The following ENOX2 variants were observed in gnomAD, a reference collection of about 807,000 sequenced individuals.
ENOX2 encodes ecto-NOX disulfide-thiol exchanger 2.
Under a neutral mutation model 45.0 loss-of-function variants are expected in ENOX2, and 36 were observed. The observed-to-expected ratio is 0.80, with a 90% CI of 0.61 to 1.06. ENOX2 has a LOEUF of 1.06. ENOX2 is among the 50% of genes least tolerant of loss of function. The pLI is 0.00. For synonymous variants in ENOX2, 174 were observed against 152.3 expected, an observed-to-expected ratio of 1.14 and a Z score of -1.05; for missense variants, 423 against 462.5, an observed-to-expected ratio of 0.91 and a Z score of 0.78.
intron 3 of ENOX2, among the ~76,000 whole-genome samples, chrX:130,768,422 C>T (rs2039663510): frequency 8.9e-6 from 1 of 112,019 alleles, no homozygotes; most frequent in Non-Finnish European, 1.9e-5. Context: ...CAGATAAATA[C>T]ACCCTTAGGC....
At chrX:130,831,341 A>T (rs956822467) in intron 2 of ENOX2, among the ~76,000 whole-genome samples, 2 of 111,925 alleles carry the variant, frequency 1.8e-5, no homozygotes, top group African/African-American at 3.2e-5. Context: ...GTAGTCTTTT[A>T]AAAAGTGTAA....
intron 2 of ENOX2, among the ~76,000 whole-genome samples, chrX:130,870,448 G>A (rs1603375434): frequency 9.0e-6 from 1 of 111,716 alleles, no homozygotes; most frequent in Non-Finnish European, 1.9e-5. Flanking sequence ...TGAACATTTT[G>A]TGGGAACATC....
At chrX:130,700,344 G>T (rs1262737709) in intron 4 of ENOX2, among the ~76,000 whole-genome samples, 2 of 112,303 alleles carry the variant, frequency 1.8e-5, no homozygotes, top group Non-Finnish European at 3.8e-5. Flanking sequence ...CCATGACCAG[G>T]TTTCTAAAGA....
rs2036871681 is a variant in ENOX2, at chrX:130,667,679, T to C, written c.758A>G (p.Asn253Ser). 2.5e-6 allele frequency: 3 copies of C among 1,209,544 alleles called. No homozygotes were observed. In the African/African-American group the frequency reaches 5.2e-5, roughly 21 times the overall value. ...LLTWIERGEV[N>S]RRSANNFYSM... is the part of the protein sequence containing the mutation. ...GTAGAAGTTATTGGCGCTACGACGG[T>C]TGACCTCTCCTCGCTCTATCCAGGT... Residue 253 changes from asparagine (N) to serine (S), a missense_variant, in exon 8 of 15, where the codon AAC becomes AGC. Asn to Ser is a conservative substitution (Grantham distance 46, BLOSUM62 1). Coordinates refer to ENST00000394363, the MANE Select transcript of ENOX2 (RefSeq NM_006375.4).
In ENOX2 at chrX:130,821,755, A is replaced by T. The variant is rs1258785905; in HGVS notation, c.-182-38065T>A. ...AAATAAATAAATTAAAAAAAAAAAA[A>T]AAAAAAAAAAAAAAGAATAAGTAGG... is the stretch of plus-strand genomic sequence containing the variant. On this transcript the variant is annotated intron_variant, in intron 2 of 14. Transcript: ENST00000394363. Among the ~76,000 whole-genome samples, 3 of 90,483 alleles carry T rather than the reference A, an allele frequency of 3.3e-5. No homozygotes were observed. The East Asian group carries it at 1.0e-3, about 31-fold the overall frequency. 78.6% of individuals were successfully genotyped at this position (90,483 alleles called of 115,157 possible).
Position 130,622,928 on chromosome X carries a change from G to A in ENOX2, c.*2386C>T, listed in dbSNP as rs950179077. 9.0e-6 allele frequency among the ~76,000 whole-genome samples: 1 copy of A among 111,287 alleles called. No homozygotes were observed. Among genetic ancestry groups the A allele is most frequent in the South Asian group, 3.8e-4 (1 of 2,628 alleles). ...AGGCTGGAAGTTCTGGCAGGAGTTG[G>A]ATGTTGCAGTTTTGAGTCCAAAGGC... On this transcript the variant is annotated 3_prime_UTR_variant, in exon 15 of 15. Coordinates refer to ENST00000394363, the MANE Select transcript of ENOX2 (RefSeq NM_006375.4).
intron 2 of ENOX2, among the ~76,000 whole-genome samples, chrX:130,835,397 G>A (rs754642291): frequency 9.0e-6 from 1 of 110,839 alleles, no homozygotes; most frequent in Non-Finnish European, 1.9e-5. Context: ...GGCAACTGAG[G>A]CTCAGAGATT....
At chrX:130,791,726 C>T (rs188891408) in intron 2 of ENOX2, among the ~76,000 whole-genome samples, 1 of 111,942 alleles carries the variant, frequency 8.9e-6, no homozygotes, top group East Asian at 2.8e-4. Context: ...TGGGTTCCTT[C>T]AGCATTCCTG....
At chrX:130,709,373 C>A in intron 3 of ENOX2, 1 of 914,361 alleles carries the variant, frequency 1.1e-6, no homozygotes, top group Non-Finnish European at 1.6e-6. Context: ...CGTGGTAGCT[C>A]ATGCTTGTAA....
intron 3 of ENOX2, among the ~76,000 whole-genome samples, chrX:130,707,571 G>A (rs1441871291): frequency 9.2e-6 from 1 of 109,159 alleles, no homozygotes; most frequent in Admixed American, 9.7e-5. Flanking sequence ...TCTGAAACAA[G>A]GACAACAGTA....
chrX:130,734,747 A>T (rs2038820861), intron 3 of ENOX2, among the ~76,000 whole-genome samples: 1 of 112,331 alleles, frequency 8.9e-6, no homozygotes, highest in Non-Finnish European at 1.9e-5. Context: ...TGGATCTATA[A>T]GGAGAATGCA....
intron 3 of ENOX2, among the ~76,000 whole-genome samples, chrX:130,733,942 T>A (rs2148298972): frequency 8.9e-6 from 1 of 112,318 alleles, no homozygotes; most frequent in South Asian, 3.8e-4. Flanking sequence ...TGCATGTGAA[T>A]CTTCAGTTAT....
chrX:130,709,365 TG>T, intron 3 of ENOX2: 1 of 941,277 alleles, frequency 1.1e-6, no homozygotes, highest in Non-Finnish European at 1.5e-6. Context: ...CAGCTGGGCG[TG>T]GTAGCTCATG....
chrX:130,802,149 T>C (rs1171039142), intron 2 of ENOX2, among the ~76,000 whole-genome samples: 12 of 112,234 alleles, frequency 1.1e-4, no homozygotes. Context: ...CTTTGGATAA[T>C]GACTATAGTT....
chrX:130,783,955 C>A (rs753955318), intron 2 of ENOX2, among the ~76,000 whole-genome samples: 1 of 111,920 alleles, frequency 8.9e-6, no homozygotes, highest in African/African-American at 3.2e-5. Flanking sequence ...CATAAGCTAG[C>A]AACTGATAGG....
intron 4 of ENOX2, among the ~76,000 whole-genome samples, chrX:130,690,077 G>A (rs772334455): frequency 1.6e-4 from 18 of 111,192 alleles, no homozygotes; most frequent in Non-Finnish European, 2.8e-4. Flanking sequence ...GGATAGTATC[G>A]CAAAGGGGAG....
At chrX:130,704,807 T>C (rs747272963) in intron 3 of ENOX2, among the ~76,000 whole-genome samples, 49 of 112,271 alleles carry the variant, frequency 4.4e-4, no homozygotes, top group African/African-American at 1.5e-3. Context: ...CAGTGATTGA[T>C]GGCACTAAGT....
At chrX:130,747,951 T>C (rs1461862602) in intron 3 of ENOX2, among the ~76,000 whole-genome samples, 1 of 112,172 alleles carries the variant, frequency 8.9e-6, no homozygotes, top group African/African-American at 3.2e-5. Context: ...CTGCAGATAA[T>C]AGCAAAGATT....
intron 3 of ENOX2, among the ~76,000 whole-genome samples, chrX:130,751,528 T>C (rs2039220967): frequency 8.9e-6 from 1 of 112,112 alleles, no homozygotes; most frequent in African/African-American, 3.2e-5. Context: ...TATATATGCA[T>C]GCATACATGC....
Sources: allele counts gnomAD v4.1 joint callset (sites outside exome capture counted in the v4.1 genomes callset), GRCh38; gene constraint gnomAD v4.1.1; transcripts MANE v1.5; gene names NCBI Gene and HGNC (gene_info 2026-07-23, HGNC 2026-07-21).